The following NAALADL2 variants were observed in gnomAD, a reference collection of about 807,000 sequenced individuals.
NAALADL2 encodes N-acetylated alpha-linked acidic dipeptidase like 2.
NAALADL2 carries 76 observed loss-of-function variants against 87.2 expected under a neutral mutation model. The ratio of observed to expected loss-of-function variants is 0.87; its 90% confidence interval spans 0.72 to 1.05. The LOEUF (loss-of-function observed/expected upper bound fraction) is 1.05. Ranked by LOEUF, NAALADL2 falls within the 50% of genes least tolerant of loss-of-function variation. NAALADL2 has a pLI of 0.00. For synonymous variants in NAALADL2, 354 were observed against 331.0 expected, an observed-to-expected ratio of 1.07 and a Z score of -0.75; for missense variants, 1,089 against 945.8, an observed-to-expected ratio of 1.15 and a Z score of -1.99.
chr3:175,230,649 T>C (rs1744815065), intron 2 of NAALADL2, among the ~76,000 whole-genome samples: 1 of 152,032 alleles, frequency 6.6e-6, no homozygotes, highest in Non-Finnish European at 1.5e-5. Context: ...ATTTAGTATA[T>C]CCTGCAATCC....
intron 2 of NAALADL2, among the ~76,000 whole-genome samples, chr3:174,641,225 C>T (rs551108815): frequency 1.3e-5 from 2 of 152,252 alleles, no homozygotes; most frequent in East Asian, 3.9e-4. Flanking sequence ...CAACCACGTG[C>T]GCTCGGGGGA....
At position 175,138,870 on chromosome 3, in the gene NAALADL2, A is replaced by C. The variant is rs555759826; in HGVS notation, c.545+41579A>C. Among the ~76,000 whole-genome samples, 33 of 135,950 alleles carry C rather than the reference A, an allele frequency of 2.4e-4. No homozygotes were observed. The South Asian group carries it at 7.6e-3, about 31-fold the overall frequency. 89.2% of individuals were successfully genotyped at this position (135,950 alleles called of 152,430 possible). A position where few individuals can be genotyped will look rare whatever the true frequency, so the allele number is the denominator to read the frequency against. ...GAATTGCACTAAAGAGCCAGAAAAA[A>C]AATTTCAGCCTTTTAAAATATATAT... On this transcript the variant is annotated intron_variant, in intron 2 of 13. Coordinates refer to ENST00000454872, the MANE Select transcript of NAALADL2 (RefSeq NM_207015.3).
intron 9 of NAALADL2, among the ~76,000 whole-genome samples, chr3:175,557,504 AACTAT>A (rs1328390617): frequency 1.6e-4 from 4 of 24,700 alleles, no homozygotes; most frequent in Middle Eastern, 0.033. Context: ...CATTCTTTCT[AACTAT>A]TTTTTTTGTA....
At chr3:175,345,121 C>G (rs1762994676) in intron 5 of NAALADL2, among the ~76,000 whole-genome samples, 1 of 124,446 alleles carries the variant, frequency 8.0e-6, no homozygotes, top group South Asian at 2.7e-4. Flanking sequence ...ATTATTACCA[C>G]CATTTTGAAA....
At chr3:175,290,505 T>C (rs1345605307) in intron 4 of NAALADL2, among the ~76,000 whole-genome samples, 4 of 152,174 alleles carry the variant, frequency 2.6e-5, no homozygotes, top group African/African-American at 7.2e-5. Context: ...GATGGAAATG[T>C]TCTATACTTT....
intron 10 of NAALADL2, among the ~76,000 whole-genome samples, chr3:175,583,615 C>T (rs1045231474): frequency 5.3e-5 from 8 of 151,756 alleles, no homozygotes; most frequent in Non-Finnish European, 1.0e-4. Flanking sequence ...AAGTTTTAAA[C>T]AAGAGGCAGT....
intron 1 of NAALADL2, among the ~76,000 whole-genome samples, chr3:175,059,208 A>T (rs1047328228): frequency 6.6e-6 from 1 of 151,486 alleles, no homozygotes; most frequent in African/African-American, 2.4e-5. Flanking sequence ...TTTTTCCCAC[A>T]AGTTTTTCAA....
At chr3:174,778,806 A>G (rs1272388555) in intron 3 of NAALADL2, among the ~76,000 whole-genome samples, 2 of 152,110 alleles carry the variant, frequency 1.3e-5, no homozygotes, top group Non-Finnish European at 2.9e-5. Flanking sequence ...AAGGACATGA[A>G]CTGATCCTTT....
chr3:175,036,033 T>C (rs539238366), intron 1 of NAALADL2, among the ~76,000 whole-genome samples: 112 of 152,352 alleles, frequency 7.4e-4, no homozygotes, highest in South Asian at 1.4e-3. Flanking sequence ...GATAAAAGGA[T>C]ACTCAACAAT....
At chr3:174,469,121 C>T (rs1560001711) in intron 1 of NAALADL2, among the ~76,000 whole-genome samples, 1 of 152,144 alleles carries the variant, frequency 6.6e-6, no homozygotes, top group Non-Finnish European at 1.5e-5. Context: ...GAGAAAGAGA[C>T]AGGATAAAGG....
intron 1 of NAALADL2, among the ~76,000 whole-genome samples, chr3:174,486,996 C>G (rs142506049): frequency 6.6e-6 from 1 of 151,814 alleles, no homozygotes; most frequent in Non-Finnish European, 1.5e-5. Context: ...CTATCAGAGG[C>G]CTTTTTTGGT....
intron 3 of NAALADL2, among the ~76,000 whole-genome samples, chr3:174,752,695 T>G (rs1734958246): frequency 6.6e-6 from 1 of 152,158 alleles, no homozygotes; most frequent in African/African-American, 2.4e-5. Flanking sequence ...TTTTCTCTCT[T>G]GAAGTTAGCT....
chr3:174,617,798 A>G (rs1720607953), intron 2 of NAALADL2, among the ~76,000 whole-genome samples: 1 of 151,766 alleles, frequency 6.6e-6, no homozygotes. Flanking sequence ...TGGGTGGGGA[A>G]TGGACTTATT....
chr3:174,612,396 A>G (rs1720016272), intron 2 of NAALADL2, among the ~76,000 whole-genome samples: 2 of 151,840 alleles, frequency 1.3e-5, no homozygotes, highest in Admixed American at 6.6e-5. Flanking sequence ...CTCTTTCTCT[A>G]TTTGCTCTTT....
chr3:175,717,230 G>A (rs542180617), intron 11 of NAALADL2, among the ~76,000 whole-genome samples: 5 of 152,216 alleles, frequency 3.3e-5, no homozygotes, highest in Admixed American at 6.5e-5. Context: ...GAGGCATGGC[G>A]CAGCCACATT....
chr3:174,761,855 C>T (rs1055123270), intron 3 of NAALADL2, among the ~76,000 whole-genome samples: 12 of 149,284 alleles, frequency 8.0e-5, no homozygotes, highest in Non-Finnish European at 1.3e-4. Flanking sequence ...TGAGAACATG[C>T]GGTGTTTGGT....
intron 11 of NAALADL2, among the ~76,000 whole-genome samples, chr3:175,652,943 A>G (rs1014827864): frequency 3.3e-5 from 5 of 152,182 alleles, no homozygotes; most frequent in African/African-American, 1.2e-4. Flanking sequence ...TGTTAACTGG[A>G]AGCCTTACTG....
chr3:174,967,371 CAAAAAAAA>C (rs58590340), intron 1 of NAALADL2, among the ~76,000 whole-genome samples: 5 of 126,332 alleles, frequency 4.0e-5, no homozygotes, highest in Non-Finnish European at 6.9e-5. Flanking sequence ...TGGTGGATTG[CAAAAAAAA>C]AAAAAAAAGA....
At chr3:175,556,560 G>A (rs1335358550) in intron 9 of NAALADL2, among the ~76,000 whole-genome samples, 1 of 152,088 alleles carries the variant, frequency 6.6e-6, no homozygotes, top group Non-Finnish European at 1.5e-5. Flanking sequence ...ACTCCAGGTG[G>A]AAAGCTAGTA....
Sources: gnomAD v4.1 joint callset for allele counts (sites outside exome capture counted in the v4.1 genomes callset) on GRCh38, gnomAD v4.1.1 for gene constraint, MANE v1.5 for transcripts, NCBI Gene and HGNC (gene_info 2026-07-23, HGNC 2026-07-21) for gene names.